Variants in GNB2 observed in about 807,000 individuals in gnomAD.
The protein encoded by GNB2 is guanine nucleotide-binding protein G(I)/G(S)/G(T) subunit beta-2.
In GNB2, 7 loss-of-function variants were observed where a neutral mutation model predicts 40.7. That is an observed-to-expected ratio of 0.17 (90% confidence interval 0.10 to 0.32). The LOEUF is 0.32. GNB2 is among the 10% of genes least tolerant of loss of function. The probability of loss-of-function intolerance (pLI) is 1.00; values close to 1 mark genes in which losing one functional copy is unlikely to be tolerated. For missense variants in GNB2, 286 were observed against 473.0 expected, an observed-to-expected ratio of 0.60 and a Z score of 3.67; for synonymous variants, 254 against 191.2, an observed-to-expected ratio of 1.33 and a Z score of -2.71.
At chr7:100,678,075 C>G in intron 7 of GNB2, 23 bp from the exon 8 acceptor site, 1 of 1,587,896 alleles carries the variant, frequency 6.3e-7, no homozygotes, top group Non-Finnish European at 8.6e-7. Context: ...CTTATCTTTT[C>G]TTTCTTCCTG....
At position 100,678,317 on chromosome 7, in the gene GNB2, C is replaced by G. The variant is rs1415411533; in HGVS notation, c.699+18C>G. On this transcript the variant is annotated intron_variant, in intron 8 of 9. Coordinates refer to ENST00000303210, the MANE Select transcript of GNB2 (RefSeq NM_005273.4). ...CAGTGGCTGTGAGTTTTGGGGCGAG[C>G]TAGGCCAGGCCCTCCCCACCAGGCT... 1 of 1,609,528 alleles carries G rather than the reference C, an allele frequency of 6.2e-7. No individual in the cohort carries two copies. The highest frequency in any genetic ancestry group is 1.1e-5 in the South Asian group (1 of 91,014).
In GNB2 at chr7:100,677,511, C is replaced by T. The variant is rs748992448; in HGVS notation, c.281C>T (p.Pro94Leu). The T allele has an allele frequency of 3.7e-6, 6 of 1,613,488 alleles. No individual in the cohort carries two copies. Among genetic ancestry groups the T allele is most frequent in the Non-Finnish European group, 4.2e-6 (5 of 1,179,964 alleles). ...SYTTNKVHAI[P>L]LRSSWVMTCA... ...CCTGCTCCGCAGGTCCACGCCATCC[C>T]GCTGCGCTCCTCCTGGGTAATGACC... The change falls in exon 6 of 10, where the codon CCG becomes CTG. Residue 94 changes from proline to leucine, a missense_variant. Coordinates refer to ENST00000303210, the MANE Select transcript of GNB2 (RefSeq NM_005273.4).
At chr7:100,674,019 G>A (rs1269047458) in intron 1 of GNB2, 96 bp downstream of exon 1, 1 of 153,988 alleles carries the variant, frequency 6.5e-6, no homozygotes, top group Admixed American at 6.5e-5. Context: ...TGGCCTCCTG[G>A]GAGCGGACGT....
rs1386957484 is a variant in GNB2 at position 100,676,555 on chromosome 7, G to A, written c.78G>A (p.Gly26=). 3 of 1,611,884 alleles carry A rather than the reference G, an allele frequency of 1.9e-6. No individual in the cohort carries two copies. The highest frequency in any genetic ancestry group is 2.5e-6 in the Non-Finnish European group (3 of 1,178,100). ...NQIRDARKAC[G]DSTLTQITAG... is the part of the protein sequence containing the mutation. The stretch of plus-strand genomic sequence containing the variant: ...TACAGGATGCCCGAAAAGCATGTGG[G>A]GACTCAACACTGACCCAGGTGAGGG... Residue 26 remains glycine (G), a synonymous_variant, in exon 3 of 10, where the codon GGG becomes GGA. Transcript: ENST00000303210.
rs1358997783 is a variant in GNB2, at chr7:100,673,847, GCCGCCT to G, written c.-160_-155del. On this transcript the variant is annotated 5_prime_UTR_variant, in exon 1 of 10. Transcript: ENST00000303210. ...CGCCGCCGCCGCCGCCGCCGCCGCCGCCGCCTCCGCCGCGGAGGAAGACAGCGCCGC... is the reference window on the plus strand; with the variant it reads ...CGCCGCCGCCGCCGCCGCCGCCGCCGCCGCCGCGGAGGAAGACAGCGCCGC... 3 of 182,526 alleles carry G rather than the reference GCCGCCT, an allele frequency of 1.6e-5. No homozygotes were observed. Among genetic ancestry groups the G allele is most frequent in the East Asian group, 1.5e-4 (1 of 6,776 alleles). 11.3% of individuals were successfully genotyped at this position (182,526 alleles called of 1,614,324 possible).
rs754921203 is a variant in GNB2 at position 100,678,466 on chromosome 7, G to T, written c.768G>T (p.Arg256=). 2 of 1,613,836 alleles carry T rather than the reference G, an allele frequency of 1.2e-6. No homozygotes were observed. Among genetic ancestry groups the T allele is most frequent in the Admixed American group, 3.3e-5 (2 of 60,022 alleles). ...DDATCRLFDL[R]ADQELLMYSH... Reference sequence around the variant, plus strand: ...CCACGTGCCGCCTCTTCGACCTGCGGGCCGATCAGGAGCTCCTCATGTACT... The same window carrying T: ...CCACGTGCCGCCTCTTCGACCTGCGTGCCGATCAGGAGCTCCTCATGTACT... Residue 256 remains arginine, a synonymous_variant, in exon 9 of 10, where the codon CGG becomes CGT. Coordinates refer to ENST00000303210, the MANE Select transcript of GNB2 (RefSeq NM_005273.4).
chr7:100,676,457 T>C (rs949836808), intron 2 of GNB2, 78 bp from the exon 3 acceptor site: 4 of 1,362,406 alleles, frequency 2.9e-6, no homozygotes, highest in South Asian at 1.2e-5. Context: ...TGTCCACTCC[T>C]GTCTTCTGTT....
At position 100,678,923 on chromosome 7, in the gene GNB2, T is replaced by C; in HGVS notation, c.*122T>C. On this transcript the variant is annotated 3_prime_UTR_variant, in exon 10 of 10. Transcript: ENST00000303210. ...CCCGGGCCACGGGGCCTTGGGTCCCTGCCCTCCCACCCAGGTTTGGTTCCT... is the reference window on the plus strand; with the variant it reads ...CCCGGGCCACGGGGCCTTGGGTCCCCGCCCTCCCACCCAGGTTTGGTTCCT... 5.5e-6 allele frequency: 4 copies of C among 729,510 alleles called. No homozygotes were observed. Among genetic ancestry groups the C allele is most frequent in the East Asian group, 2.7e-5 (1 of 36,800 alleles). 45.2% of individuals were successfully genotyped at this position (729,510 alleles called of 1,614,324 possible).
chr7:100,675,012 C>A (rs1258017427), intron 1 of GNB2, among the ~76,000 whole-genome samples: 1 of 152,088 alleles, frequency 6.6e-6, no homozygotes, highest in Non-Finnish European at 1.5e-5. Context: ...GAACGCCCTG[C>A]GCCTGGGGGA....
rs372498022 is a variant in GNB2, at chr7:100,678,384, C to T, written c.700-14C>T. ...ACCCTCACCCTCACCCCATCTGGGT[C>T]CCGTGTCCTGCAGTTCTTCCCCAAC... On this transcript the variant is annotated splice_polypyrimidine_tract_variant and intron_variant, in intron 8 of 9. Transcript: ENST00000303210. 2 of 1,609,916 alleles carry T rather than the reference C, an allele frequency of 1.2e-6. No homozygotes were observed. The highest frequency in any genetic ancestry group is 1.3e-5 in the African/African-American group (1 of 75,000).
At chr7:100,675,155 C>T (rs1229419390) in intron 1 of GNB2, 1 of 150,870 alleles carries the variant, frequency 6.6e-6, no homozygotes, top group African/African-American at 2.4e-5. Flanking sequence ...GGCCCGGGCG[C>T]CGAGCCTGCG....
At chr7:100,676,670 G>A in intron 3 of GNB2, 23 bp from the exon 4 acceptor site, 1 of 1,581,868 alleles carries the variant, frequency 6.3e-7, no homozygotes, top group Non-Finnish European at 8.7e-7. Flanking sequence ...GCCTCCCCGA[G>A]CGCATTCTGT....
At chr7:100,675,656 C>G (rs1282187626) in intron 1 of GNB2, 1 of 152,584 alleles carries the variant, frequency 6.6e-6, no homozygotes, top group Non-Finnish European at 1.5e-5. Context: ...TGCTCTCGGT[C>G]CGGGTGACGG....
At position 100,677,492 on chromosome 7, in the gene GNB2, C is replaced by G. The variant is rs1419175496; in HGVS notation, c.268-6C>G. The G allele has an allele frequency of 3.1e-6, 5 of 1,613,168 alleles. No individual in the cohort carries two copies. The highest frequency in any genetic ancestry group is 1.3e-5 in the African/African-American group (1 of 74,938). On this transcript the variant is annotated splice_polypyrimidine_tract_variant and splice_region_variant and intron_variant, in intron 5 of 9. Transcript: ENST00000303210. ...CTCTGACCCCGGCGCTTCCCCTGCT[C>G]CGCAGGTCCACGCCATCCCGCTGCG...
chr7:100,676,683 C>T lies in GNB2; in HGVS notation c.97-10C>T, dbSNP rs1364899572. 1.2e-6 allele frequency: 2 copies of T among 1,601,540 alleles called. No individual in the cohort carries two copies. The highest frequency in any genetic ancestry group is 2.2e-5 in the South Asian group (2 of 90,836). On this transcript the variant is annotated splice_polypyrimidine_tract_variant and intron_variant, in intron 3 of 9. Coordinates refer to ENST00000303210, the MANE Select transcript of GNB2 (RefSeq NM_005273.4). ...GGGCCTCCCCGAGCGCATTCTGTCT[C>T]TACCTCCAGATCACAGCTGGGCTGG...
Position 100,678,501 on chromosome 7 carries a change from A to T in GNB2, c.803A>T (p.Asn268Ile), listed in dbSNP as rs147810006. 3.0e-5 allele frequency: 49 copies of T among 1,613,726 alleles called. No homozygotes were observed. The highest frequency in any genetic ancestry group is 4.0e-5 in the African/African-American group (3 of 74,932). ...DQELLMYSHDNIICGITSVAF... is the reference protein window; with the variant it reads ...DQELLMYSHDIIICGITSVAF... ...GAGCTCCTCATGTACTCCCATGACAACATCATCTGTGGCATCACCTCTGTT... is the reference window on the plus strand; with the variant it reads ...GAGCTCCTCATGTACTCCCATGACATCATCATCTGTGGCATCACCTCTGTT... Residue 268 changes from asparagine to isoleucine, a missense_variant, in exon 9 of 10, where the codon AAC becomes ATC. Transcript: ENST00000303210.
In GNB2 at chr7:100,677,597, A is replaced by G. The variant is rs771355621; in HGVS notation, c.367A>G (p.Ile123Val). The change falls in exon 6 of 10, where the codon ATC (isoleucine) becomes GTC (valine). Residue 123 changes from isoleucine to valine, a missense_variant. Ile to Val is a conservative substitution (Grantham distance 29, BLOSUM62 3). Coordinates refer to ENST00000303210, the MANE Select transcript of GNB2 (RefSeq NM_005273.4). ...ACGGLDNICS[I>V]YSLKTREGNV... Reference sequence around the variant, plus strand: ...TGGGGGGTTGGACAACATCTGCTCCATCTACAGCCTCAAGACCCGCGAGGG... The same window carrying G: ...TGGGGGGTTGGACAACATCTGCTCCGTCTACAGCCTCAAGACCCGCGAGGG... 12 of 1,613,272 alleles carry G rather than the reference A, an allele frequency of 7.4e-6. No homozygotes were observed. The highest frequency in any genetic ancestry group is 1.0e-5 in the Non-Finnish European group (12 of 1,180,024).
intron 1 of GNB2, 164 bp from the exon 2 acceptor site, chr7:100,676,009 TACTC>T: frequency 4.2e-6 from 2 of 470,904 alleles, no homozygotes; most frequent in Non-Finnish European, 7.5e-6. Context: ...AGTCGGCTCT[TACTC>T]GGCGACGTCT....
chr7:100,676,837 T>C (rs745726593), intron 4 of GNB2, 38 bp downstream of exon 4: 2 of 1,226,116 alleles, frequency 1.6e-6, no homozygotes, highest in Non-Finnish European at 2.3e-6. Flanking sequence ...GTGGGCCGAC[T>C]TTCTAGCAGG....
Sources: gnomAD v4.1 joint callset for allele counts (sites outside exome capture counted in the v4.1 genomes callset) on GRCh38, gnomAD v4.1.1 for gene constraint, MANE v1.5 for transcripts, NCBI Gene and HGNC (gene_info 2026-07-23, HGNC 2026-07-21) for gene names.